The following DENND5B variants were observed in gnomAD, a reference collection of about 807,000 sequenced individuals.
The protein encoded by DENND5B is DENN domain-containing protein 5B.
Under a neutral mutation model 140.6 loss-of-function variants are expected in DENND5B, and 34 were observed. The ratio of observed to expected loss-of-function variants is 0.24; its 90% CI spans 0.18 to 0.32. The LOEUF (loss-of-function observed/expected upper bound fraction) is 0.32, where lower values mean the gene tolerates loss of function less well. DENND5B is among the 10% of genes least tolerant of loss of function. DENND5B has a pLI of 1.00. For synonymous variants in DENND5B, 551 were observed against 562.1 expected, an observed-to-expected ratio of 0.98 and a Z score of 0.28; for missense variants, 1,142 against 1,560.2, an observed-to-expected ratio of 0.73 and a Z score of 4.52.
chr12:31,505,818 TTTTA>T (rs1947178013), intron 1 of DENND5B, among the ~76,000 whole-genome samples: 1 of 152,080 alleles, frequency 6.6e-6, no homozygotes, highest in Non-Finnish European at 1.5e-5. Flanking sequence ...TTAAAGTTTA[TTTTA>T]ATTAATTAAT....
In DENND5B at chr12:31,387,495, A is replaced by G. The variant is rs1282587582; in HGVS notation, c.*108T>C. ...GAGTGAGGATTGTTCCAAATGGGGC[A>G]TATGTTTGGCTGCCCCTGCAGTGAC... is the stretch of plus-strand genomic sequence containing the variant. On this transcript the variant is annotated 3_prime_UTR_variant, in exon 21 of 21. Coordinates refer to ENST00000389082, the MANE Select transcript of DENND5B (RefSeq NM_144973.4). The G allele has an allele frequency of 1.8e-5, 21 of 1,138,580 alleles. No homozygotes were observed. The South Asian group carries it at 3.0e-4, about 16-fold the overall frequency. The allele number at this position is 1,138,580 out of a possible 1,614,324, so 70.5% of individuals were successfully genotyped here. A position where few individuals can be genotyped will look rare whatever the true frequency, so the allele number is the denominator to read the frequency against.
chr12:31,443,137 G>A (rs541801517), intron 6 of DENND5B, among the ~76,000 whole-genome samples: 6 of 152,262 alleles, frequency 3.9e-5, no homozygotes, highest in South Asian at 2.1e-4. Flanking sequence ...GTGCAATGGC[G>A]CGATCTCAGC....
chr12:31,570,012 G>A (rs1015681387), intron 1 of DENND5B, among the ~76,000 whole-genome samples: 2 of 151,812 alleles, frequency 1.3e-5, no homozygotes, highest in Non-Finnish European at 2.9e-5. Context: ...TGGCTAACAC[G>A]ATGAAACCCC....
intron 1 of DENND5B, among the ~76,000 whole-genome samples, chr12:31,530,613 A>G (rs981426508): frequency 3.3e-5 from 5 of 152,230 alleles, no homozygotes; most frequent in African/African-American, 1.2e-4. Flanking sequence ...CAGCACTGAA[A>G]AAATATTAAA....
intron 12 of DENND5B, among the ~76,000 whole-genome samples, chr12:31,414,606 G>T (rs1214705702): frequency 6.6e-6 from 1 of 151,896 alleles, no homozygotes; most frequent in Non-Finnish European, 1.5e-5. Flanking sequence ...AATCACTTGA[G>T]CCCAGGAGTT....
chr12:31,426,472 C>A (rs78738589), intron 8 of DENND5B, 48 bp from the exon 9 acceptor site: 37,567 of 1,570,170 alleles, frequency 0.024, 566 homozygotes, highest in South Asian at 0.048. Context: ...AGCTATTCTT[C>A]TAATCTTCTT....
At chr12:31,438,319 T>A (rs529382745) in intron 7 of DENND5B, among the ~76,000 whole-genome samples, 2 of 152,340 alleles carry the variant, frequency 1.3e-5, no homozygotes, top group Non-Finnish European at 2.9e-5. Context: ...ATCTATTTTT[T>A]AAAATTTTCT....
rs1171306591 is a variant in DENND5B, at chr12:31,580,381, TGTTA to T, written c.127+10321_127+10324del. ...AAATTTTATTAGCCCTTCACAAAGC[TGTTA>T]GATACCTTTTTTTAGAAATCATTTA... On this transcript the variant is annotated intron_variant, in intron 1 of 20. Transcript: ENST00000389082. Among the ~76,000 whole-genome samples the T allele has an allele frequency of 3.9e-5, 6 of 152,230 alleles. No homozygotes were observed. In the East Asian group the frequency reaches 1.2e-3, roughly 29 times the overall value.
intron 3 of DENND5B, chr12:31,465,179 AGGTCTG>A (rs2138322878): frequency 1.3e-5 from 2 of 152,428 alleles, no homozygotes; most frequent in Middle Eastern, 3.4e-3. Context: ...AGAGGGGTCT[AGGTCTG>A]GACCTGTGGC....
At chr12:31,475,627 T>C (rs1257894438) in intron 3 of DENND5B, among the ~76,000 whole-genome samples, 2 of 152,058 alleles carry the variant, frequency 1.3e-5, no homozygotes, top group Non-Finnish European at 2.9e-5. Flanking sequence ...TGCATGCCTG[T>C]AGTCCCAGCT....
chr12:31,521,649 G>A (rs957049318), intron 1 of DENND5B, among the ~76,000 whole-genome samples: 2 of 152,044 alleles, frequency 1.3e-5, no homozygotes, highest in African/African-American at 2.4e-5. Flanking sequence ...TATATCTAGC[G>A]TCAACAAAGA....
At chr12:31,502,822 G>A (rs1376172131) in intron 1 of DENND5B, among the ~76,000 whole-genome samples, 2 of 152,098 alleles carry the variant, frequency 1.3e-5, no homozygotes, top group Non-Finnish European at 2.9e-5. Flanking sequence ...AACAACAAAG[G>A]GCTGAGAAAG....
rs1950592403 is a variant in DENND5B at position 31,590,734 on chromosome 12, G to C, written c.99C>G (p.Asp33Glu). 4.1e-6 allele frequency: 6 copies of C among 1,476,324 alleles called. No homozygotes were observed. Among genetic ancestry groups the C allele is most frequent in the Non-Finnish European group, 5.4e-6 (6 of 1,119,738 alleles). 91.5% of individuals were successfully genotyped at this position (1,476,324 alleles called of 1,614,324 possible). The part of the protein sequence containing the change: ...HYFVLCGIDA[D>E]SGLEPDELAG... ...CCAGCTCGTCAGGCTCCAGCCCGCT[G>C]TCCGCGTCGATCCCGCACAGCACGA... The change falls in exon 1 of 21, where the codon GAC becomes GAG. Residue 33 changes from aspartate to glutamate, a missense_variant. Transcript: ENST00000389082.
chr12:31,411,541 C>T (rs779828006), intron 13 of DENND5B, among the ~76,000 whole-genome samples: 7 of 151,930 alleles, frequency 4.6e-5, no homozygotes, highest in Non-Finnish European at 1.0e-4. Context: ...GACGGGGTTT[C>T]ACCATGTTAG....
At chr12:31,540,545 T>G (rs557622675) in intron 1 of DENND5B, among the ~76,000 whole-genome samples, 1 of 151,922 alleles carries the variant, frequency 6.6e-6, no homozygotes, top group African/African-American at 2.4e-5. Flanking sequence ...TCCTAGCTAC[T>G]CAGGAGGCTG....
chr12:31,416,488 T>C (rs534699391), intron 11 of DENND5B, among the ~76,000 whole-genome samples: 2 of 152,122 alleles, frequency 1.3e-5, no homozygotes, highest in African/African-American at 4.8e-5. Context: ...GGTCTCGAAC[T>C]CCTTAACTCA....
chr12:31,460,493 A>G, intron 3 of DENND5B, 112 bp from the exon 4 acceptor site: 1 of 967,134 alleles, frequency 1.0e-6, no homozygotes, highest in South Asian at 1.8e-5. Flanking sequence ...AAAAGTAAAT[A>G]TTTCTTTATG....
At chr12:31,511,287 T>C (rs1947399347) in intron 1 of DENND5B, among the ~76,000 whole-genome samples, 1 of 152,174 alleles carries the variant, frequency 6.6e-6, no homozygotes, top group Non-Finnish European at 1.5e-5. Flanking sequence ...GGGAAACCTT[T>C]CTTGACCTGT....
intron 3 of DENND5B, chr12:31,465,813 G>C (rs1271657): frequency 0.078 from 11,868 of 152,370 alleles, 1,058 homozygotes; most frequent in African/African-American, 0.22. Context: ...CACAGCCTCT[G>C]GCAGCTCCTG....
Sources: gnomAD v4.1 joint callset for allele counts (sites outside exome capture counted in the v4.1 genomes callset) on GRCh38, gnomAD v4.1.1 for gene constraint, MANE v1.5 for transcripts, NCBI Gene and HGNC (gene_info 2026-07-23, HGNC 2026-07-21) for gene names.